Variants in DMD observed in about 807,000 individuals in gnomAD.
DMD encodes the protein dystrophin.
A neutral mutation model predicts 330.1 loss-of-function variants in DMD; 63 were observed. The ratio of observed to expected loss-of-function variants is 0.19; its 90% CI spans 0.16 to 0.24. The LOEUF is 0.24. Ranked by LOEUF, DMD falls within the 10% of genes least tolerant of loss-of-function variation. The pLI is 1.00. For synonymous variants in DMD, 1,223 were observed against 959.8 expected (o/e 1.27, Z -5.07); for missense variants, 3,344 against 2,684.1 (o/e 1.25, Z -5.43).
chrX:32,540,664 A>G (rs1488160836), intron 17 of DMD, among the ~76,000 whole-genome samples: 2 of 112,045 alleles, frequency 1.8e-5, no homozygotes, highest in Non-Finnish European at 3.8e-5. Context: ...TATTTGCTAC[A>G]ATGGAATCTA....
At chrX:31,196,933 T>A (rs752418568) in intron 67 of DMD, among the ~76,000 whole-genome samples, 69 of 107,596 alleles carry the variant, frequency 6.4e-4, no homozygotes, top group Non-Finnish European at 1.0e-3. Flanking sequence ...CATTTTAACA[T>A]TTGCAGAGAA....
intron 4 of DMD, among the ~76,000 whole-genome samples, chrX:32,824,722 T>C (rs1332041842): frequency 8.9e-6 from 1 of 112,046 alleles, no homozygotes; most frequent in Admixed American, 9.5e-5. Flanking sequence ...CGTAATAATG[T>C]TGCATAGAAC....
intron 44 of DMD, among the ~76,000 whole-genome samples, chrX:32,006,088 C>T (rs1306576345): frequency 9.0e-6 from 1 of 111,486 alleles, no homozygotes; most frequent in Non-Finnish European, 1.9e-5. Flanking sequence ...ATTCTCCAGA[C>T]ATAATAAGAC....
intron 2 of DMD, among the ~76,000 whole-genome samples, chrX:33,005,884 A>C (rs1387417218): frequency 9.0e-6 from 1 of 111,388 alleles, no homozygotes; most frequent in African/African-American, 3.3e-5. Flanking sequence ...CCCTGGAAAT[A>C]ATAAGCAATT....
chrX:31,831,769 TG>T (rs1397113198), intron 49 of DMD, among the ~76,000 whole-genome samples: 3 of 110,846 alleles, frequency 2.7e-5, no homozygotes, highest in Non-Finnish European at 5.7e-5. Context: ...CGGCTAATTT[TG>T]TTTTTGTATT....
chrX:31,151,169 C>T (rs960814138), intron 74 of DMD, among the ~76,000 whole-genome samples: 1 of 112,253 alleles, frequency 8.9e-6, no homozygotes, highest in African/African-American at 3.2e-5. Context: ...AATCTAATTT[C>T]TGAGAACTTA....
intron 47 of DMD, among the ~76,000 whole-genome samples, chrX:31,885,623 A>G (rs1432017147): frequency 2.3e-5 from 2 of 88,568 alleles, no homozygotes; most frequent in East Asian, 6.1e-4. Flanking sequence ...AAAAAAAAAA[A>G]AAAAAAAAAA....
intron 37 of DMD, among the ~76,000 whole-genome samples, chrX:32,356,402 A>C (rs1259082415): frequency 1.0e-5 from 1 of 99,984 alleles, no homozygotes; most frequent in Non-Finnish European, 2.0e-5. Context: ...AAAAAAAAAA[A>C]AAAACTTGGT....
At chrX:32,250,263 T>G (rs1435618350) in intron 43 of DMD, among the ~76,000 whole-genome samples, 1 of 111,344 alleles carries the variant, frequency 9.0e-6, no homozygotes, top group African/African-American at 3.3e-5. Flanking sequence ...ATTTAAAAAA[T>G]CCCACTTCCT....
At chrX:32,128,432 A>G (rs2096672080) in intron 44 of DMD, among the ~76,000 whole-genome samples, 1 of 112,417 alleles carries the variant, frequency 8.9e-6, no homozygotes, top group African/African-American at 3.2e-5. Context: ...GTACAAAATC[A>G]TGAATTAAAT....
chrX:33,325,356 T>C (rs998102554), intron 1 of DMD, among the ~76,000 whole-genome samples: 1 of 112,424 alleles, frequency 8.9e-6, no homozygotes, highest in Admixed American at 9.5e-5. Flanking sequence ...GAGATTTTCC[T>C]TCCACAGAGA....
chrX:33,055,821 G>A (rs1049783380), intron 1 of DMD, among the ~76,000 whole-genome samples: 1 of 111,254 alleles, frequency 9.0e-6, no homozygotes, highest in African/African-American at 3.3e-5. Flanking sequence ...ACAAAATACT[G>A]AGCCTCTTTC....
chrX:32,839,220 C>T (rs1440908462), intron 4 of DMD, among the ~76,000 whole-genome samples: 1 of 110,593 alleles, frequency 9.0e-6, no homozygotes, highest in Non-Finnish European at 1.9e-5. Context: ...CACTCTACTC[C>T]ACTTGCTGAG....
chrX:32,991,803 A>G (rs2092986665), intron 2 of DMD, among the ~76,000 whole-genome samples: 1 of 112,080 alleles, frequency 8.9e-6, no homozygotes, highest in Non-Finnish European at 1.9e-5. Context: ...TCAGATATTT[A>G]TTAACATAAT....
At chrX:32,534,267 C>T (rs1330981868) in intron 17 of DMD, among the ~76,000 whole-genome samples, 1 of 111,613 alleles carries the variant, frequency 9.0e-6, no homozygotes, top group Non-Finnish European at 1.9e-5. Flanking sequence ...GATATTCGTC[C>T]CTTCCCAAAT....
chrX:32,403,531 T>G (rs971584141), intron 30 of DMD, among the ~76,000 whole-genome samples: 1 of 111,976 alleles, frequency 8.9e-6, no homozygotes, highest in East Asian at 2.8e-4. Context: ...GACATAATAA[T>G]GTACAGGTTG....
At chrX:32,498,770 A>G (rs1243408333) in intron 19 of DMD, among the ~76,000 whole-genome samples, 2 of 111,917 alleles carry the variant, frequency 1.8e-5, no homozygotes, top group Non-Finnish European at 3.8e-5. Context: ...TGTATGTGAC[A>G]CTGAAAAACT....
chrX:32,592,878 G>C (rs147785769), intron 13 of DMD, among the ~76,000 whole-genome samples: 170 of 112,674 alleles, frequency 1.5e-3, no homozygotes, highest in African/African-American at 5.3e-3. Flanking sequence ...ATTGGTGCCT[G>C]CAGCAGAAGC....
At chrX:33,307,371 T>C (rs2053778562) in intron 1 of DMD, among the ~76,000 whole-genome samples, 1 of 112,292 alleles carries the variant, frequency 8.9e-6, no homozygotes, top group Non-Finnish European at 1.9e-5. Flanking sequence ...GTTTGACATT[T>C]CACTCACGAG....
Sources: allele counts gnomAD v4.1 joint callset (sites outside exome capture counted in the v4.1 genomes callset), GRCh38; gene constraint gnomAD v4.1.1; transcripts MANE v1.5; gene names NCBI Gene and HGNC (gene_info 2026-07-23, HGNC 2026-07-21).